Variants in LRP1B observed in about 807,000 individuals in gnomAD.
LRP1B encodes the protein low-density lipoprotein receptor-related protein 1B.
A neutral mutation model predicts 556.6 loss-of-function variants in LRP1B; 217 were observed. The ratio of observed to expected loss-of-function variants is 0.39; its 90% CI spans 0.35 to 0.44. The LOEUF is 0.44. LRP1B is among the 20% of genes least tolerant of loss of function. The pLI is 1.00. For synonymous variants in LRP1B, 2,047 were observed against 1,865.8 expected, an observed-to-expected ratio of 1.10 and a Z score of -2.50; for missense variants, 5,053 against 5,620.8, an observed-to-expected ratio of 0.90 and a Z score of 3.23.
chr2:141,282,736 T>C (rs953321758), intron 3 of LRP1B, among the ~76,000 whole-genome samples: 2 of 152,062 alleles, frequency 1.3e-5, no homozygotes, highest in African/African-American at 4.8e-5. Context: ...TTGAGCAAAT[T>C]TCATTAATGT....
At chr2:140,553,422 A>AACACACACACACACAC (rs61540618) in intron 43 of LRP1B, among the ~76,000 whole-genome samples, 46 of 148,300 alleles carry the variant, frequency 3.1e-4, no homozygotes, top group African/African-American at 9.2e-4. Flanking sequence ...TTGTGCTCTT[A>AACACACACACACACAC]ACACACACAC....
chr2:142,077,076 TCA>T (rs1705528581), intron 1 of LRP1B, among the ~76,000 whole-genome samples: 1 of 152,096 alleles, frequency 6.6e-6, no homozygotes, highest in Non-Finnish European at 1.5e-5. Context: ...CATTTCTGCT[TCA>T]GAGTCACATG....
At chr2:141,975,230 T>G (rs1701852621) in intron 1 of LRP1B, among the ~76,000 whole-genome samples, 1 of 152,066 alleles carries the variant, frequency 6.6e-6, no homozygotes, top group African/African-American at 2.4e-5. Context: ...AAAGTGACAC[T>G]TTGGGCTGGT....
At chr2:141,671,734 C>A (rs753245252) in intron 2 of LRP1B, among the ~76,000 whole-genome samples, 5 of 151,986 alleles carry the variant, frequency 3.3e-5, no homozygotes, top group Non-Finnish European at 4.4e-5. Context: ...TCATCTAGTA[C>A]ATTATCTGGC....
intron 31 of LRP1B, among the ~76,000 whole-genome samples, chr2:140,835,182 G>A (rs1691857239): frequency 6.6e-6 from 1 of 152,180 alleles, no homozygotes; most frequent in Non-Finnish European, 1.5e-5. Context: ...CCTTAGTAGG[G>A]AAGACTTGCA....
chr2:141,425,288 A>G (rs540581004), intron 3 of LRP1B, among the ~76,000 whole-genome samples: 8 of 150,418 alleles, frequency 5.3e-5, no homozygotes, highest in African/African-American at 1.2e-4. Context: ...CATGGTGTAT[A>G]TGTGCCACAT....
At chr2:141,684,307 C>T (rs140886763) in intron 2 of LRP1B, among the ~76,000 whole-genome samples, 10 of 152,164 alleles carry the variant, frequency 6.6e-5, no homozygotes, top group Non-Finnish European at 1.2e-4. Context: ...ATTGCAGGGA[C>T]ATGGATGAAG....
intron 72 of LRP1B, among the ~76,000 whole-genome samples, chr2:140,364,446 C>CA (rs917806213): frequency 4.1e-4 from 62 of 151,720 alleles, no homozygotes; most frequent in African/African-American, 1.5e-3. Context: ...TTGACATGTG[C>CA]AAGTTCAGAT....
At chr2:142,029,334 G>A (rs1035012486) in intron 1 of LRP1B, among the ~76,000 whole-genome samples, 3 of 151,876 alleles carry the variant, frequency 2.0e-5, no homozygotes, top group Non-Finnish European at 4.4e-5. Flanking sequence ...ATTCTGGTGA[G>A]AATGTGGAGC....
chr2:142,060,883 G>A (rs762008374), intron 1 of LRP1B, among the ~76,000 whole-genome samples: 2 of 151,924 alleles, frequency 1.3e-5, no homozygotes, highest in Non-Finnish European at 2.9e-5. Context: ...AGAGATATGA[G>A]GCATGAAAGC....
In LRP1B at chr2:141,607,339, T is replaced by C. The variant is rs538216900; in HGVS notation, c.206-126806A>G. Among the ~76,000 whole-genome samples, 489 of 152,294 alleles carry C rather than the reference T, an allele frequency of 3.2e-3. 6 individuals carry two copies. The highest frequency in any genetic ancestry group is 0.011 in the African/African-American group (461 of 41,568). On this transcript the variant is annotated intron_variant, in intron 2 of 90. Coordinates refer to ENST00000389484, the MANE Select transcript of LRP1B (RefSeq NM_018557.3). Reference sequence around the variant, plus strand: ...AAGCTATTTGTGTCAAAGTCATCTCTAACCAAAGCAAATAGTCTCAGGCTG... The same window carrying C: ...AAGCTATTTGTGTCAAAGTCATCTCCAACCAAAGCAAATAGTCTCAGGCTG...
rs530980593 is a variant in LRP1B, at chr2:141,096,618, C to T, written c.1014-34345G>A. On this transcript the variant is annotated intron_variant, in intron 7 of 90. Transcript: ENST00000389484. ...TGCACCCTAGCCTGAATGACAAAGA[C>T]GGGGAGAGGGGGAGAGAGAGAGAGA... Among the ~76,000 whole-genome samples, 107 of 71,716 alleles carry T rather than the reference C, an allele frequency of 1.5e-3. 1 individual carries two copies. The highest frequency in any genetic ancestry group is 5.6e-3 in the African/African-American group (96 of 17,090). The allele number at this position is 71,716 out of a possible 152,430, so 47.0% of individuals were successfully genotyped here.
chr2:140,805,055 T>C (rs960860851), intron 32 of LRP1B, among the ~76,000 whole-genome samples: 2 of 152,126 alleles, frequency 1.3e-5, no homozygotes, highest in Non-Finnish European at 2.9e-5. Context: ...TTGGTTCACA[T>C]TGATTGAAAA....
At chr2:141,030,788 C>T (rs187935228) in intron 11 of LRP1B, among the ~76,000 whole-genome samples, 7 of 151,776 alleles carry the variant, frequency 4.6e-5, no homozygotes, top group Non-Finnish European at 8.8e-5. Flanking sequence ...CTGATTCTTT[C>T]CAATTGCATA....
chr2:140,716,095 T>G lies in LRP1B; in HGVS notation c.5901A>C (p.Ile1967=), dbSNP rs34282756. 3 of 1,593,900 alleles carry G rather than the reference T, an allele frequency of 1.9e-6. No individual in the cohort carries two copies. The highest frequency in any genetic ancestry group is 1.7e-6 in the Non-Finnish European group (2 of 1,165,974). Residue 1967 remains isoleucine, a synonymous_variant, in exon 37 of 91, where the codon ATA becomes ATC. Coordinates refer to ENST00000389484, the MANE Select transcript of LRP1B (RefSeq NM_018557.3). ...GIAVDWIAGN[I]YWTDHGFNLI... ...AGTTGAAACCATGATCTGTCCAATA[T>G]ATGTTACCTAGGAGAAATAATAGAG...
intron 1 of LRP1B, among the ~76,000 whole-genome samples, chr2:141,859,570 A>G (rs1224414795): frequency 1.3e-5 from 2 of 152,204 alleles, no homozygotes; most frequent in African/African-American, 4.8e-5. Context: ...TTTAAAAAGT[A>G]TGTTTCCTGT....
chr2:140,352,870 G>A (rs1004051969), intron 76 of LRP1B, 83 bp downstream of exon 76: 1 of 1,339,480 alleles, frequency 7.5e-7, no homozygotes, highest in African/African-American at 1.5e-5. Flanking sequence ...AGCTGTTGCT[G>A]GAATGAAATA....
At chr2:140,521,253 T>C (rs997427824) in intron 49 of LRP1B, among the ~76,000 whole-genome samples, 1 of 151,992 alleles carries the variant, frequency 6.6e-6, no homozygotes. Flanking sequence ...CACACGGTCA[T>C]TGGGCTATCC....
chr2:140,612,234 G>A (rs1005854016), intron 41 of LRP1B, among the ~76,000 whole-genome samples: 4 of 152,034 alleles, frequency 2.6e-5, no homozygotes, highest in African/African-American at 9.7e-5. Context: ...AATAATTCAG[G>A]AAAGTGTATG....
Sources: allele counts gnomAD v4.1 joint callset (sites outside exome capture counted in the v4.1 genomes callset), GRCh38; gene constraint gnomAD v4.1.1; transcripts MANE v1.5; gene names NCBI Gene and HGNC (gene_info 2026-07-23, HGNC 2026-07-21).